The following STMN1 variants were observed in gnomAD, a reference collection of about 807,000 sequenced individuals.
STMN1 encodes stathmin.
STMN1 carries 3 observed loss-of-function variants against 19.7 expected under a neutral mutation model. The observed-to-expected ratio is 0.15, with a 90% CI of 0.07 to 0.39. The LOEUF (loss-of-function observed/expected upper bound fraction) is 0.39. Among genes scored for constraint, STMN1 ranks in the 10% least tolerant of loss-of-function variants. STMN1 has a pLI of 1.00. For missense variants in STMN1, 99 were observed against 176.0 expected, an observed-to-expected ratio of 0.56 and a Z score of 2.48; for synonymous variants, 59 against 58.9, an observed-to-expected ratio of 1.00 and a Z score of -0.01.
At position 25,901,686 on chromosome 1, in the gene STMN1, G is replaced by A. The variant is rs1553129056; in HGVS notation, c.187-4C>T. On this transcript the variant is annotated splice_region_variant and splice_polypyrimidine_tract_variant and intron_variant, in intron 3 of 4. Coordinates refer to ENST00000455785, the MANE Select transcript of STMN1 (RefSeq NM_005563.4). ...TCAAGACCTCAGCTTCATGGGACTG[G>A]AAAAAAAAGTTTAATAGGCTAGGCA... is the stretch of plus-strand genomic sequence containing the variant. 1 of 1,598,688 alleles carries A rather than the reference G, an allele frequency of 6.3e-7. No individual in the cohort carries two copies. The highest frequency in any genetic ancestry group is 1.8e-5 in the Admixed American group (1 of 56,078).
At chr1:25,889,744 C>A (rs1160675117) in intron 4 of STMN1, among the ~76,000 whole-genome samples, 1 of 152,192 alleles carries the variant, frequency 6.6e-6, no homozygotes, top group Non-Finnish European at 1.5e-5. Context: ...CCCTTCAAAA[C>A]TGCATCATGC....
exon 5 of STMN1, chr1:25,885,594 G>T: frequency 8.2e-7 from 1 of 1,215,564 alleles, no homozygotes; most frequent in East Asian, 2.7e-5. Context: ...AGAACTGGCT[G>T]GTATTAGAAT....
At chr1:25,885,836 G>C in exon 5 of STMN1, 1 of 1,551,364 alleles carries the variant, frequency 6.4e-7, no homozygotes, top group Non-Finnish European at 8.7e-7. Context: ...ATCTGTGCTG[G>C]GTGGGCCCCA....
rs886154915 is a variant in STMN1 at position 25,906,318 on chromosome 1, G to T, written c.-63+71C>A. 11 of 145,062 alleles carry T rather than the reference G, an allele frequency of 7.6e-5. No homozygotes were observed. In the Admixed American group the frequency reaches 7.8e-4, roughly 10 times the overall value. 9.0% of individuals were successfully genotyped at this position (145,062 alleles called of 1,614,324 possible). A position where few individuals can be genotyped will look rare whatever the true frequency, so the allele number is the denominator to read the frequency against. ...AGCAGGGGGTCGCTGCCACGGCCCA[G>T]CCCCTCCCGCCGACCGCGTCCCTCT... On this transcript the variant is annotated intron_variant, in intron 1 of 4. Transcript: ENST00000455785. This position sits in a 1 kb window ranked among gnomAD's most constrained non-coding sequence, Gnocchi z 4.5.
At position 25,901,611 on chromosome 1, in the gene STMN1, T is replaced by C; in HGVS notation, c.258A>G (p.Ala86=). 3 of 1,614,186 alleles carry C rather than the reference T, an allele frequency of 1.9e-6. No homozygotes were observed. The highest frequency in any genetic ancestry group is 2.2e-5 in the East Asian group (1 of 44,888). ...REHEKEVLQK[A]IEENNNFSKM... ...TACTGAAGTTGTTGTTCTCTTCTAT[T>C]GCCTTCTGAAGCACTTCTTTCTCGT... Residue 86 remains alanine (A), a synonymous_variant, in exon 4 of 5, where the codon GCA becomes GCG. Transcript: ENST00000455785.
At chr1:25,903,370 A>G (rs2048897116) in intron 3 of STMN1, 1 of 353,998 alleles carries the variant, frequency 2.8e-6, no homozygotes, top group East Asian at 7.3e-5. Flanking sequence ...TACTAGTTGT[A>G]TGACTGCAGA....
At chr1:25,903,858 G>GT in intron 2 of STMN1, 45 bp from the exon 3 acceptor site, 5 of 1,551,642 alleles carry the variant, frequency 3.2e-6, no homozygotes, top group Non-Finnish European at 3.5e-6. Flanking sequence ...GGATTCTCCT[G>GT]TTCTAATAAA....
chr1:25,890,674 A>T (rs982286221), intron 4 of STMN1, among the ~76,000 whole-genome samples: 2 of 152,206 alleles, frequency 1.3e-5, no homozygotes, highest in Non-Finnish European at 2.9e-5. Flanking sequence ...GTAGTCATCT[A>T]GCTGCTGTTA....
intron 4 of STMN1, among the ~76,000 whole-genome samples, chr1:25,890,580 T>C (rs2048763391): frequency 6.6e-6 from 1 of 152,228 alleles, no homozygotes. Flanking sequence ...TTGTGTTGGC[T>C]CCAGGTTTCC....
At chr1:25,889,439 C>T (rs920892301) in intron 4 of STMN1, among the ~76,000 whole-genome samples, 4 of 151,748 alleles carry the variant, frequency 2.6e-5, no homozygotes, top group African/African-American at 9.7e-5. Flanking sequence ...TCCATCCCCC[C>T]ACACCTACTC....
downstream of STMN1, among the ~76,000 whole-genome samples, chr1:25,898,791 A>C (rs2048842436): frequency 6.6e-6 from 1 of 152,262 alleles, no homozygotes; most frequent in Non-Finnish European, 1.5e-5. Context: ...CCACTGGGAC[A>C]GACGCAGACT....
intron 1 of STMN1, chr1:25,905,508 AGAG>A (rs2048929083): frequency 6.6e-6 from 1 of 152,194 alleles, no homozygotes; most frequent in Non-Finnish European, 1.5e-5. Context: ...GGCGAGGAAA[AGAG>A]GACCGGTCGC....
Position 25,901,062 on chromosome 1 carries a change from T to C in STMN1, c.404A>G (p.Lys135Arg). ...EKDKHIEEVR[K>R]NKESKDPADE... ...AGCAGGGTCTTTGGATTCTTTGTTC[T>C]TCCGCACTTCTTCAATGTGCTTATC... The change falls in exon 5 of 5, where the codon AAG becomes AGG. Residue 135 changes from lysine (K) to arginine (R), a missense_variant. Coordinates refer to ENST00000455785, the MANE Select transcript of STMN1 (RefSeq NM_005563.4). The C allele has an allele frequency of 6.2e-7, 1 of 1,613,042 alleles. No individual in the cohort carries two copies. Among genetic ancestry groups the C allele is most frequent in the South Asian group, 1.1e-5 (1 of 91,034 alleles).
chr1:25,894,278 A>G (rs1489393895), intron 4 of STMN1, among the ~76,000 whole-genome samples: 1 of 152,154 alleles, frequency 6.6e-6, no homozygotes, highest in Admixed American at 6.5e-5. Context: ...GTGCAGCTGC[A>G]GGCCCATCTC....
At chr1:25,894,771 T>C (rs1179065012) in intron 4 of STMN1, among the ~76,000 whole-genome samples, 1 of 152,158 alleles carries the variant, frequency 6.6e-6, no homozygotes, top group Non-Finnish European at 1.5e-5. Flanking sequence ...GCTATGTCTC[T>C]AAATAAATAA....
At chr1:25,903,570 G>C in intron 3 of STMN1, 71 bp downstream of exon 3, 2 of 1,576,072 alleles carry the variant, frequency 1.3e-6, no homozygotes. Flanking sequence ...TTTTCTTCCT[G>C]TTATAGAAAT....
chr1:25,899,436 C>T (rs2048848803), downstream of STMN1, among the ~76,000 whole-genome samples: 1 of 152,222 alleles, frequency 6.6e-6, no homozygotes, highest in African/African-American at 2.4e-5. Flanking sequence ...TTAGATATTG[C>T]TCAGAACCTA....
downstream of STMN1, among the ~76,000 whole-genome samples, chr1:25,896,251 G>A (rs557703257): frequency 4.6e-5 from 7 of 152,256 alleles, no homozygotes; most frequent in Non-Finnish European, 8.8e-5. Flanking sequence ...AACCTCATAG[G>A]GCTGTTCTGG....
intron 4 of STMN1, chr1:25,885,892 C>T: frequency 6.5e-7 from 1 of 1,537,136 alleles, no homozygotes; most frequent in Non-Finnish European, 8.8e-7. Context: ...GAAAAATCAC[C>T]AGGTCATCTG....
Sources: allele counts gnomAD v4.1 joint callset (sites outside exome capture counted in the v4.1 genomes callset), GRCh38; gene constraint gnomAD v4.1.1; non-coding constraint Gnocchi (gnomAD v3.1); transcripts MANE v1.5; gene names NCBI Gene and HGNC (gene_info 2026-07-23, HGNC 2026-07-21).